The following TGIF1 variants were observed in gnomAD, a reference collection of about 807,000 sequenced individuals.
The protein encoded by TGIF1 is TGFB induced factor homeobox 1.
TGIF1 carries 4 observed loss-of-function variants against 19.3 expected under a neutral mutation model. The observed-to-expected ratio is 0.21, with a 90% confidence interval of 0.10 to 0.47. TGIF1 has a LOEUF of 0.47. Ranked by LOEUF, TGIF1 falls within the 20% of genes least tolerant of loss-of-function variation. The pLI is 0.98. For synonymous variants in TGIF1, 122 were observed against 129.3 expected (o/e 0.94, Z 0.38); for missense variants, 275 against 341.4 (o/e 0.81, Z 1.53).
intron 2 of TGIF1, among the ~76,000 whole-genome samples, chr18:3,422,467 T>C (rs534572672): frequency 4.3e-4 from 65 of 151,566 alleles, no homozygotes; most frequent in Non-Finnish European, 7.2e-4. Context: ...AAAAAAGTTA[T>C]AGTAAGGTAA....
Position 3,451,560 on chromosome 18 carries a change from C to T in TGIF1, c.16+1055C>T. Reference sequence around the variant, plus strand: ...GGACGGGAGGGGCGGCGCTACTGCGCATGCCCGGGAGCCGCCTGGAGTTTG... The same window carrying T: ...GGACGGGAGGGGCGGCGCTACTGCGTATGCCCGGGAGCCGCCTGGAGTTTG... On this transcript the variant is annotated intron_variant, in intron 1 of 2. Coordinates refer to ENST00000343820, the MANE Select transcript of TGIF1 (RefSeq NM_003244.4). The surrounding 1 kb of genome is among the most constrained non-coding windows in gnomAD (Gnocchi z 5.4). 2.0e-6 allele frequency: 2 copies of T among 1,014,796 alleles called. No homozygotes were observed. Among genetic ancestry groups the T allele is most frequent in the African/African-American group, 3.4e-5 (2 of 58,632 alleles). The allele number at this position is 1,014,796 out of a possible 1,614,324, so 62.9% of individuals were successfully genotyped here.
At chr18:3,419,551 T>C (rs1451358302) in intron 2 of TGIF1, among the ~76,000 whole-genome samples, 1 of 152,250 alleles carries the variant, frequency 6.6e-6, no homozygotes, top group African/African-American at 2.4e-5. Flanking sequence ...TTTGAAGCAG[T>C]CTTTTTTATG....
intron 2 of TGIF1, among the ~76,000 whole-genome samples, chr18:3,438,596 A>AACAC (rs56864804): frequency 0.024 from 3,249 of 136,078 alleles, 109 homozygotes; most frequent in African/African-American, 0.072. Flanking sequence ...CATACACACA[A>AACAC]ACACACACAC....
intron 2 of TGIF1, among the ~76,000 whole-genome samples, chr18:3,422,126 G>C (rs1301911149): frequency 7.4e-5 from 11 of 149,142 alleles, no homozygotes; most frequent in Non-Finnish European, 1.6e-4. Flanking sequence ...CCTGGGAGGC[G>C]GAGATTGCAG....
rs1341859658 is a variant in TGIF1, at chr18:3,450,374, GTCC to G, written c.-114_-112del. Reference sequence around the variant, plus strand: ...TGTTTAGCAATAACGGCTGGAGCACGTCCTACAAGTTACGGGAGAGTCGGCTGT... The same window carrying G: ...TGTTTAGCAATAACGGCTGGAGCACGTACAAGTTACGGGAGAGTCGGCTGT... On this transcript the variant is annotated 5_prime_UTR_variant, in exon 1 of 3. Coordinates refer to ENST00000343820, the MANE Select transcript of TGIF1 (RefSeq NM_003244.4). 6.5e-7 allele frequency: 1 copy of G among 1,531,842 alleles called. No homozygotes were observed. The highest frequency in any genetic ancestry group is 1.4e-5 in the African/African-American group (1 of 72,506). 94.9% of individuals were successfully genotyped at this position (1,531,842 alleles called of 1,614,324 possible). A position where few individuals can be genotyped will look rare whatever the true frequency, so the allele number is the denominator to read the frequency against.
At chr18:3,436,710 C>A (rs1598875107) in intron 2 of TGIF1, among the ~76,000 whole-genome samples, 1 of 151,248 alleles carries the variant, frequency 6.6e-6, no homozygotes, top group Non-Finnish European at 1.5e-5. Context: ...TCCCAGCTAC[C>A]CAGGAGGCTG....
Position 3,456,529 on chromosome 18 carries a change from A to G in TGIF1, c.192A>G (p.Ser64=), listed in dbSNP as rs1598911083. The G allele has an allele frequency of 6.2e-7, 1 of 1,614,266 alleles. No individual in the cohort carries two copies. Among genetic ancestry groups the G allele is most frequent in the Non-Finnish European group, 8.5e-7 (1 of 1,180,046 alleles). ...AGCACCGTTACAATGCCTATCCTTC[A>G]GAGCAAGAAAAAGCGTTGCTGTCCC... ...LYEHRYNAYP[S]EQEKALLSQQ... is the part of the protein sequence containing the mutation. The change falls in exon 2 of 3, where the codon TCA becomes TCG. Residue 64 remains serine (S), a synonymous_variant. Coordinates refer to ENST00000343820, the MANE Select transcript of TGIF1 (RefSeq NM_003244.4). The surrounding 1 kb of genome is among the most constrained non-coding windows in gnomAD (Gnocchi z 4.2).
At chr18:3,444,001 C>T (rs1277050682) in intron 2 of TGIF1, among the ~76,000 whole-genome samples, 1 of 149,300 alleles carries the variant, frequency 6.7e-6, no homozygotes, top group Non-Finnish European at 1.5e-5. Flanking sequence ...GTGGCACGAT[C>T]TCGGCTCACT....
upstream of TGIF1, among the ~76,000 whole-genome samples, chr18:3,445,720 T>A: frequency 9.2e-5 from 2 of 21,760 alleles, no homozygotes; most frequent in African/African-American, 1.8e-4. Flanking sequence ...CAAGACTCTG[T>A]CTCAAAAAAA....
At chr18:3,453,023 G>C (rs1446046046) in intron 1 of TGIF1, among the ~76,000 whole-genome samples, 2 of 152,122 alleles carry the variant, frequency 1.3e-5, no homozygotes, top group East Asian at 1.9e-4. Flanking sequence ...TTGCTCTTTG[G>C]CTGGGGTAGC....
chr18:3,416,868 C>CT (rs1383684535), intron 1 of TGIF1, among the ~76,000 whole-genome samples: 1 of 150,780 alleles, frequency 6.6e-6, no homozygotes, highest in Non-Finnish European at 1.5e-5. Context: ...GAAGCGGACG[C>CT]TACAGTGAGC....
At chr18:3,443,409 A>AC in intron 2 of TGIF1, among the ~76,000 whole-genome samples, 1 of 151,614 alleles carries the variant, frequency 6.6e-6, no homozygotes. Flanking sequence ...GGATAATAAT[A>AC]CTTTTTTTTT....
chr18:3,427,196 G>A (rs979277036), intron 2 of TGIF1, among the ~76,000 whole-genome samples: 11 of 152,086 alleles, frequency 7.2e-5, no homozygotes, highest in East Asian at 3.9e-4. Context: ...CACCCGCCTC[G>A]GCCTCTCAAA....
rs545236407 is a variant in TGIF1, at chr18:3,426,916, CTTTTTTTT to C, written c.-45+8717_-45+8724del. Among the ~76,000 whole-genome samples, 803 of 100,094 alleles carry C rather than the reference CTTTTTTTT, an allele frequency of 8.0e-3. 8 individuals are homozygous for C. Among genetic ancestry groups the C allele is most frequent in the African/African-American group, 0.03 (746 of 24,958 alleles). 65.7% of individuals were successfully genotyped at this position (100,094 alleles called of 152,430 possible). On this transcript the variant is annotated intron_variant, in intron 2 of 3. Coordinates refer to the TGIF1 transcript ENST00000401449. ...GGTAAAAAAGTAATAAGGATGATCT[CTTTTTTTT>C]TTTTTTTTTTTTTTTGGAGACGGAG...
Position 3,456,027 on chromosome 18 carries a change from T to A in TGIF1, c.17-327T>A, listed in dbSNP as rs1185154107. 21 of 392,722 alleles carry A rather than the reference T, an allele frequency of 5.3e-5. No homozygotes were observed. The highest frequency in any genetic ancestry group is 1.6e-3 in the Middle Eastern group (2 of 1,222). The allele number at this position is 392,722 out of a possible 1,614,324, so 24.3% of individuals were successfully genotyped here. On this transcript the variant is annotated intron_variant, in intron 1 of 2. Coordinates refer to ENST00000343820, the MANE Select transcript of TGIF1 (RefSeq NM_003244.4). This position sits in a 1 kb window ranked among gnomAD's most constrained non-coding sequence, Gnocchi z 4.2. ...CCCTTCCTGTTTCAAATGTGGCAGG[T>A]TATTCATTTTGGGTGCAGTTTGTCT...
chr18:3,448,849 T>C (rs920767502), upstream of TGIF1, among the ~76,000 whole-genome samples: 3 of 150,970 alleles, frequency 2.0e-5, no homozygotes, highest in Non-Finnish European at 4.4e-5. Context: ...TTCCACAGAG[T>C]TTCTTCTGCC....
At chr18:3,444,885 T>C (rs2082720795) in intron 2 of TGIF1, among the ~76,000 whole-genome samples, 1 of 152,028 alleles carries the variant, frequency 6.6e-6, no homozygotes. Context: ...AAATAAAGGA[T>C]TGAGCTAGAT....
chr18:3,425,846 T>C (rs1303781908), intron 2 of TGIF1, among the ~76,000 whole-genome samples: 5 of 152,164 alleles, frequency 3.3e-5, no homozygotes, highest in African/African-American at 1.2e-4. Context: ...GGATTGGGCC[T>C]GTGCGGGAAG....
rs78105189 is a variant in TGIF1, at chr18:3,437,550, G to A, written c.-44-18804G>A. Reference sequence around the variant, plus strand: ...GGTGAGGGAGAAATGGGAACAGAAAGTGTATATTGAAGTTATATTAGAGAG... The same window carrying A: ...GGTGAGGGAGAAATGGGAACAGAAAATGTATATTGAAGTTATATTAGAGAG... On this transcript the variant is annotated intron_variant, in intron 2 of 3. Transcript: ENST00000401449. Among the ~76,000 whole-genome samples the A allele has an allele frequency of 3.3e-3, 506 of 152,294 alleles. 3 individuals carry two copies. The highest frequency in any genetic ancestry group is 5.7e-3 in the Non-Finnish European group (390 of 68,028).
Sources: allele counts gnomAD v4.1 joint callset (sites outside exome capture counted in the v4.1 genomes callset), GRCh38; gene constraint gnomAD v4.1.1; non-coding constraint Gnocchi (gnomAD v3.1); transcripts MANE v1.5; gene names NCBI Gene and HGNC (gene_info 2026-07-23, HGNC 2026-07-21).